The following XKR6 variants were observed in gnomAD, a reference collection of about 807,000 sequenced individuals.
XKR6 encodes the protein XK related 6.
XKR6 carries 22 observed loss-of-function variants against 56.7 expected under a neutral mutation model. The observed-to-expected ratio is 0.39, with a 90% CI of 0.28 to 0.55. The LOEUF (loss-of-function observed/expected upper bound fraction) is 0.55, where lower values mean the gene tolerates loss of function less well. XKR6 is among the 20% of genes least tolerant of loss of function. The pLI, the probability that XKR6 is intolerant of heterozygous loss-of-function variation, is 0.66. For synonymous variants in XKR6, 524 were observed against 387.8 expected, an observed-to-expected ratio of 1.35 and a Z score of -4.13; for missense variants, 852 against 889.0, an observed-to-expected ratio of 0.96 and a Z score of 0.53.
At chr8:11,145,305 T>C (rs907784464) in intron 1 of XKR6, among the ~76,000 whole-genome samples, 1 of 152,090 alleles carries the variant, frequency 6.6e-6, no homozygotes, top group African/African-American at 2.4e-5. Flanking sequence ...ATGTTTCAGA[T>C]AAGGAGGACT....
intron 1 of XKR6, among the ~76,000 whole-genome samples, chr8:11,008,576 A>G (rs1218714850): frequency 1.7e-4 from 26 of 152,056 alleles, no homozygotes; most frequent in Admixed American, 1.7e-3. Context: ...GCATGCCACC[A>G]TGCCTGGCTA....
chr8:11,132,550 C>T (rs894121292), intron 1 of XKR6, among the ~76,000 whole-genome samples: 3 of 151,706 alleles, frequency 2.0e-5, no homozygotes, highest in Non-Finnish European at 4.4e-5. Flanking sequence ...TTAGTAGAGA[C>T]GGGGTTTCAC....
chr8:11,160,768 T>C (rs986158899), intron 1 of XKR6, among the ~76,000 whole-genome samples: 4 of 151,166 alleles, frequency 2.6e-5, no homozygotes, highest in Admixed American at 2.0e-4. Flanking sequence ...ATTAGCTGGG[T>C]ATGGTGGCAC....
chr8:10,911,359 A>G (rs1389830149), intron 2 of XKR6, among the ~76,000 whole-genome samples: 5 of 146,654 alleles, frequency 3.4e-5, no homozygotes, highest in African/African-American at 1.3e-4. Flanking sequence ...GTGTGTGTAT[A>G]TATATATATA....
chr8:11,037,575 A>T (rs1348442856), intron 1 of XKR6, among the ~76,000 whole-genome samples: 1 of 151,944 alleles, frequency 6.6e-6, no homozygotes, highest in African/African-American at 2.4e-5. Context: ...AAATGATTGA[A>T]TGGGCCGGGC....
intron 1 of XKR6, among the ~76,000 whole-genome samples, chr8:11,114,386 A>C (rs1458006288): frequency 6.6e-6 from 1 of 152,178 alleles, no homozygotes; most frequent in Non-Finnish European, 1.5e-5. Context: ...TTTGAGACAG[A>C]GTCTCACTCT....
At chr8:11,068,173 G>A (rs1485732315) in intron 1 of XKR6, among the ~76,000 whole-genome samples, 1 of 152,204 alleles carries the variant, frequency 6.6e-6, no homozygotes, top group East Asian at 1.9e-4. Context: ...GAGACTGAGT[G>A]CCCAGTGGCT....
At chr8:11,019,905 C>T (rs1798711597) in intron 1 of XKR6, among the ~76,000 whole-genome samples, 1 of 152,172 alleles carries the variant, frequency 6.6e-6, no homozygotes, top group African/African-American at 2.4e-5. Context: ...CACTTCCCAG[C>T]CGGGCCAGAG....
At chr8:10,989,536 C>G (rs1797940143) in intron 1 of XKR6, among the ~76,000 whole-genome samples, 1 of 152,178 alleles carries the variant, frequency 6.6e-6, no homozygotes, top group South Asian at 2.1e-4. Context: ...TGGCTTTCAC[C>G]ATATAGCAGA....
At chr8:10,932,853 C>T (rs1044323321) in intron 1 of XKR6, among the ~76,000 whole-genome samples, 2 of 134,748 alleles carry the variant, frequency 1.5e-5, no homozygotes, top group Non-Finnish European at 3.2e-5. Context: ...GGTTCCAAGT[C>T]TTTGCTATTG....
At chr8:10,998,499 A>G (rs1411893546) in intron 1 of XKR6, among the ~76,000 whole-genome samples, 2 of 152,150 alleles carry the variant, frequency 1.3e-5, no homozygotes, top group Non-Finnish European at 2.9e-5. Context: ...TCCACTTCAA[A>G]TTTATGAGTA....
At chr8:11,022,989 C>G (rs1233342374) in intron 1 of XKR6, among the ~76,000 whole-genome samples, 1 of 152,104 alleles carries the variant, frequency 6.6e-6, no homozygotes, top group Non-Finnish European at 1.5e-5. Context: ...CACAGCAGGG[C>G]TGGTGCTGCG....
At chr8:11,191,886 T>C (rs552254973) in intron 1 of XKR6, among the ~76,000 whole-genome samples, 1 of 152,238 alleles carries the variant, frequency 6.6e-6, no homozygotes, top group African/African-American at 2.4e-5. Context: ...ATTATGGAAA[T>C]ACTCTTAATT....
chr8:11,165,090 CTTTTTTTTTTTTT>C (rs35783491), intron 1 of XKR6, among the ~76,000 whole-genome samples: 8 of 82,472 alleles, frequency 9.7e-5, no homozygotes, highest in Admixed American at 5.5e-4. Context: ...AGGCTATCAC[CTTTTTTTTTTTTT>C]TTTTTTTTTT....
chr8:11,085,757 G>A (rs1470477965), intron 1 of XKR6, among the ~76,000 whole-genome samples: 3 of 152,086 alleles, frequency 2.0e-5, no homozygotes, highest in African/African-American at 7.2e-5. Flanking sequence ...CATGGCCCTG[G>A]GACAGCAACG....
At chr8:11,058,646 A>G (rs6601554) in intron 1 of XKR6, among the ~76,000 whole-genome samples, 61,944 of 152,014 alleles carry the variant, frequency 0.41, 16,439 homozygotes, top group African/African-American at 0.76. Context: ...ATGAGAACAG[A>G]TGGACACCGG....
intron 1 of XKR6, among the ~76,000 whole-genome samples, chr8:10,999,997 G>A (rs1357298725): frequency 1.3e-5 from 2 of 152,178 alleles, no homozygotes; most frequent in Non-Finnish European, 1.5e-5. Context: ...CTGTGGGTTT[G>A]GCTAATGGCA....
At chr8:10,912,010 G>C (rs1371140250) in intron 2 of XKR6, among the ~76,000 whole-genome samples, 2 of 146,958 alleles carry the variant, frequency 1.4e-5, no homozygotes, top group South Asian at 2.2e-4. Context: ...TATATAGAGA[G>C]AGAGAGCAAG....
At chr8:11,055,631 G>A (rs907450438) in intron 1 of XKR6, among the ~76,000 whole-genome samples, 1 of 152,216 alleles carries the variant, frequency 6.6e-6, no homozygotes, top group African/African-American at 2.4e-5. Flanking sequence ...AGCTCTGTCT[G>A]ACAAATAACA....
Sources: allele counts gnomAD v4.1 joint callset (sites outside exome capture counted in the v4.1 genomes callset), GRCh38; gene constraint gnomAD v4.1.1; transcripts MANE v1.5; gene names NCBI Gene and HGNC (gene_info 2026-07-23, HGNC 2026-07-21).